The following IL1RAPL1 variants were observed in gnomAD, a reference collection of about 807,000 sequenced individuals.
IL1RAPL1 encodes interleukin-1 receptor accessory protein-like 1.
A neutral mutation model predicts 48.4 loss-of-function variants in IL1RAPL1; 3 were observed. The ratio of observed to expected loss-of-function variants is 0.06; its 90% confidence interval spans 0.03 to 0.16. IL1RAPL1 has a LOEUF of 0.16. IL1RAPL1 is among the 10% of genes least tolerant of loss of function. IL1RAPL1 has a pLI of 1.00. For missense variants in IL1RAPL1, 349 were observed against 530.6 expected, an observed-to-expected ratio of 0.66 and a Z score of 3.36; for synonymous variants, 185 against 187.7, an observed-to-expected ratio of 0.99 and a Z score of 0.12.
chrX:29,088,672 CAAAAAAAAAA>C (rs1182451817), intron 2 of IL1RAPL1, among the ~76,000 whole-genome samples: 1 of 32,885 alleles, frequency 3.0e-5, no homozygotes, highest in African/African-American at 1.1e-4. Context: ...CACTCCTTCT[CAAAAAAAAAA>C]AAAAAAAAAA....
At chrX:28,830,368 G>A (rs1411259644) in intron 2 of IL1RAPL1, among the ~76,000 whole-genome samples, 1 of 111,707 alleles carries the variant, frequency 9.0e-6, no homozygotes, top group Non-Finnish European at 1.9e-5. Flanking sequence ...TGAATAAGTT[G>A]AATTAATCTA....
intron 3 of IL1RAPL1, among the ~76,000 whole-genome samples, chrX:29,380,217 T>C (rs985845944): frequency 5.5e-5 from 6 of 109,653 alleles, no homozygotes; most frequent in South Asian, 4.0e-4. Flanking sequence ...TTGTTGAGGG[T>C]TTATTTTGTG....
intron 2 of IL1RAPL1, among the ~76,000 whole-genome samples, chrX:29,185,002 A>G (rs1569254858): frequency 1.8e-5 from 2 of 112,471 alleles, no homozygotes; most frequent in East Asian, 5.6e-4. Context: ...TCCTAAAGCC[A>G]TGATGATTTC....
chrX:28,900,902 A>T (rs1051605108), intron 2 of IL1RAPL1, among the ~76,000 whole-genome samples: 1 of 112,009 alleles, frequency 8.9e-6, no homozygotes, highest in Non-Finnish European at 1.9e-5. Flanking sequence ...TCACTAACTT[A>T]CTGTAAGGAT....
At chrX:29,380,708 C>T (rs1165343112) in intron 3 of IL1RAPL1, among the ~76,000 whole-genome samples, 4 of 112,419 alleles carry the variant, frequency 3.6e-5, no homozygotes, top group Admixed American at 1.9e-4. Context: ...ATACCACCTG[C>T]ACACCAGTGT....
intron 5 of IL1RAPL1, among the ~76,000 whole-genome samples, chrX:29,603,049 C>T (rs977630258): frequency 3.6e-5 from 4 of 110,256 alleles, no homozygotes; most frequent in South Asian, 3.8e-4. Flanking sequence ...GTGGATCACC[C>T]GAGGTCAGGA....
chrX:28,626,070 G>C (rs914912974), intron 1 of IL1RAPL1, among the ~76,000 whole-genome samples: 2 of 111,877 alleles, frequency 1.8e-5, no homozygotes, highest in African/African-American at 6.5e-5. Flanking sequence ...ATGAGTTAGA[G>C]TTGGGAGACT....
intron 3 of IL1RAPL1, among the ~76,000 whole-genome samples, chrX:29,339,316 A>T (rs1270182801): frequency 8.9e-6 from 1 of 111,795 alleles, no homozygotes; most frequent in East Asian, 2.8e-4. Context: ...TAAACATAGG[A>T]TAGATTGTGA....
chrX:29,788,563 T>C (rs1468396131), intron 6 of IL1RAPL1, among the ~76,000 whole-genome samples: 3 of 111,301 alleles, frequency 2.7e-5, no homozygotes, highest in Admixed American at 9.6e-5. Flanking sequence ...GGGTACAGAG[T>C]GATATTTTGA....
chrX:29,221,082 G>T (rs1451089821), intron 2 of IL1RAPL1, among the ~76,000 whole-genome samples: 1 of 110,937 alleles, frequency 9.0e-6, no homozygotes, highest in Non-Finnish European at 1.9e-5. Flanking sequence ...ACCACGCCCA[G>T]CTAATATTTG....
chrX:29,368,883 T>G (rs902854143), intron 3 of IL1RAPL1: 1 of 112,199 alleles, frequency 8.9e-6, no homozygotes, highest in East Asian at 2.8e-4. Flanking sequence ...CTGTTTGTGT[T>G]GCTAGTGTTG....
chrX:29,099,108 C>T (rs1274665619), intron 2 of IL1RAPL1, among the ~76,000 whole-genome samples: 3 of 111,719 alleles, frequency 2.7e-5, no homozygotes, highest in Non-Finnish European at 5.6e-5. Flanking sequence ...CCCAAGATCA[C>T]GCCATTGCAC....
chrX:29,560,733 A>G (rs1270940455), intron 5 of IL1RAPL1, among the ~76,000 whole-genome samples: 2 of 111,856 alleles, frequency 1.8e-5, no homozygotes, highest in African/African-American at 6.5e-5. Context: ...TTCCATATTC[A>G]TTGAACTTTT....
At chrX:29,648,517 AAAC>A (rs1192874640) in intron 5 of IL1RAPL1, among the ~76,000 whole-genome samples, 1 of 112,119 alleles carries the variant, frequency 8.9e-6, no homozygotes, top group Non-Finnish European at 1.9e-5. Flanking sequence ...CATGAAAATT[AAAC>A]AACATGCCCC....
chrX:29,819,890 A>G (rs1930573062), intron 6 of IL1RAPL1, among the ~76,000 whole-genome samples: 1 of 103,238 alleles, frequency 9.7e-6, no homozygotes, highest in Non-Finnish European at 2.0e-5. Context: ...CAGAAATACA[A>G]GAACTGAACT....
intron 1 of IL1RAPL1, among the ~76,000 whole-genome samples, chrX:28,774,217 A>G (rs1936338226): frequency 1.8e-5 from 2 of 111,340 alleles, no homozygotes; most frequent in Admixed American, 1.9e-4. Context: ...CTGCCTGTTG[A>G]TGACTCCTAA....
chrX:29,861,786 A>C (rs1459088250), intron 6 of IL1RAPL1, among the ~76,000 whole-genome samples: 1 of 112,223 alleles, frequency 8.9e-6, no homozygotes, highest in African/African-American at 3.2e-5. Context: ...AAAAAAAATT[A>C]GTGAGAAAAA....
At chrX:28,606,167 G>T (rs1041136715) in intron 1 of IL1RAPL1, among the ~76,000 whole-genome samples, 3 of 111,974 alleles carry the variant, frequency 2.7e-5, no homozygotes, top group Non-Finnish European at 3.8e-5. Flanking sequence ...GTTCACTGAA[G>T]TATCCCAAGC....
At chrX:29,652,129 C>T (rs1416752916) in intron 5 of IL1RAPL1, among the ~76,000 whole-genome samples, 1 of 111,769 alleles carries the variant, frequency 8.9e-6, no homozygotes, top group Admixed American at 9.5e-5. Flanking sequence ...GCATGAAATA[C>T]AATTAAATCT....
Sources: gnomAD v4.1 joint callset for allele counts (sites outside exome capture counted in the v4.1 genomes callset) on GRCh38, gnomAD v4.1.1 for gene constraint, MANE v1.5 for transcripts, NCBI Gene and HGNC (gene_info 2026-07-23, HGNC 2026-07-21) for gene names.